The following MACROD2 variants were observed in gnomAD, a reference collection of about 807,000 sequenced individuals.
MACROD2 encodes ADP-ribose glycohydrolase MACROD2.
In MACROD2, 36 loss-of-function variants were observed where a neutral mutation model predicts 70.4. That is an observed-to-expected ratio of 0.51 (90% CI 0.39 to 0.68). The LOEUF is 0.68. MACROD2 is among the 30% of genes least tolerant of loss of function. MACROD2 has a pLI of 0.00. For missense variants in MACROD2, 496 were observed against 538.4 expected, an observed-to-expected ratio of 0.92 and a Z score of 0.78; for synonymous variants, 172 against 178.8, an observed-to-expected ratio of 0.96 and a Z score of 0.30.
intron 6 of MACROD2, among the ~76,000 whole-genome samples, chr20:15,379,436 C>T (rs1022478936): frequency 2.6e-5 from 4 of 151,990 alleles, no homozygotes; most frequent in Admixed American, 6.6e-5. Context: ...CTTGGCATTA[C>T]GTAGGCATAT....
At position 15,318,545 on chromosome 20, in the gene MACROD2, C is replaced by T. The variant is rs2077839187; in HGVS notation, c.540+88484C>T. Among the ~76,000 whole-genome samples, 5 of 152,020 alleles carry T rather than the reference C, an allele frequency of 3.3e-5. No individual in the cohort carries two copies. The South Asian group carries it at 1.0e-3, about 31-fold the overall frequency. ...ATAAGAAAATTATGGACCAAAATCC[C>T]TTATGATTATAGATGAAGAAATCCT... On this transcript the variant is annotated intron_variant, in intron 6 of 17. Coordinates refer to ENST00000684519, the MANE Select transcript of MACROD2 (RefSeq NM_001351661.2).
At chr20:14,874,165 T>G (rs454927) in intron 5 of MACROD2, among the ~76,000 whole-genome samples, 38,083 of 151,940 alleles carry the variant, frequency 0.25, 5,513 homozygotes, top group Non-Finnish European at 0.33. Context: ...TCTCTTTTGG[T>G]AAGAAAGATT....
chr20:14,677,549 T>A (rs1302845850), intron 4 of MACROD2, among the ~76,000 whole-genome samples: 1 of 152,176 alleles, frequency 6.6e-6, no homozygotes, highest in Non-Finnish European at 1.5e-5. Context: ...TTGGCCTTCT[T>A]ATCAGGGTGG....
At chr20:14,008,950 C>T (rs747062817) in intron 2 of MACROD2, among the ~76,000 whole-genome samples, 27 of 152,312 alleles carry the variant, frequency 1.8e-4, no homozygotes, top group Middle Eastern at 3.4e-3. Flanking sequence ...CCCTTCCTTA[C>T]ACCTTATACA....
intron 10 of MACROD2, among the ~76,000 whole-genome samples, chr20:15,911,413 G>A (rs571766378): frequency 1.1e-4 from 17 of 152,302 alleles, no homozygotes; most frequent in Non-Finnish European, 1.2e-4. Context: ...TAATGTCATG[G>A]CTAACAATGT....
intron 5 of MACROD2, among the ~76,000 whole-genome samples, chr20:14,856,196 T>C (rs2122335211): frequency 6.6e-6 from 1 of 152,308 alleles, no homozygotes; most frequent in East Asian, 1.9e-4. Flanking sequence ...ATTTGTATTT[T>C]TCCCCAGTAA....
Position 15,876,109 on chromosome 20 carries a change from A to ATG in MACROD2, c.728-9654_728-9653insGT, listed in dbSNP as rs202176741. Among the ~76,000 whole-genome samples, 995 of 124,418 alleles carry ATG rather than the reference A, an allele frequency of 8.0e-3. 82 individuals are homozygous for ATG. The highest frequency in any genetic ancestry group is 0.035 in the African/African-American group (930 of 26,562). 81.6% of individuals were successfully genotyped at this position (124,418 alleles called of 152,430 possible). ...ATGTCTTTTATATATATATATATATATATGTGTGTATTTTTTTTATTACAC... is the reference window on the plus strand; with the variant it reads ...ATGTCTTTTATATATATATATATATATGTATGTGTGTATTTTTTTTATTACAC... On this transcript the variant is annotated intron_variant, in intron 9 of 17. Coordinates refer to ENST00000684519, the MANE Select transcript of MACROD2 (RefSeq NM_001351661.2).
intron 11 of MACROD2, among the ~76,000 whole-genome samples, chr20:15,935,624 C>T (rs1260445769): frequency 6.6e-6 from 1 of 152,168 alleles, no homozygotes; most frequent in Non-Finnish European, 1.5e-5. Context: ...GCAGTTTTGA[C>T]TGTTGTCATG....
chr20:14,215,060 C>G (rs994973739), intron 3 of MACROD2, among the ~76,000 whole-genome samples: 1 of 134,066 alleles, frequency 7.5e-6, no homozygotes, highest in Non-Finnish European at 1.6e-5. Flanking sequence ...ATATATATTC[C>G]ATCATATATC....
intron 5 of MACROD2, among the ~76,000 whole-genome samples, chr20:15,067,191 A>G (rs1030790391): frequency 3.3e-5 from 5 of 152,222 alleles, no homozygotes; most frequent in African/African-American, 1.2e-4. Flanking sequence ...ACAAATGCTC[A>G]AATTCATTTA....
In MACROD2 at chr20:14,765,681, G is replaced by A. The variant is rs139948950; in HGVS notation, c.418+80722G>A. ...TAATTTTTTTTAACATTTTCAAAAC[G>A]CCTTAGAAACCTGTATTTAAATAAA... On this transcript the variant is annotated intron_variant, in intron 5 of 17. Coordinates refer to ENST00000684519, the MANE Select transcript of MACROD2 (RefSeq NM_001351661.2). Among the ~76,000 whole-genome samples, 325 of 152,028 alleles carry A rather than the reference G, an allele frequency of 2.1e-3. 2 individuals carry two copies. Among genetic ancestry groups the A allele is most frequent in the Non-Finnish European group, 3.4e-3 (232 of 67,988 alleles).
At chr20:15,702,506 G>T (rs948215028) in intron 8 of MACROD2, among the ~76,000 whole-genome samples, 1 of 152,018 alleles carries the variant, frequency 6.6e-6, no homozygotes, top group African/African-American at 2.4e-5. Flanking sequence ...CCATTTTTAA[G>T]GGATTTGTTG....
At chr20:14,044,271 C>T (rs1241122620) in intron 2 of MACROD2, among the ~76,000 whole-genome samples, 5 of 151,906 alleles carry the variant, frequency 3.3e-5, no homozygotes, top group South Asian at 2.1e-4. Flanking sequence ...CTGGTGGGTT[C>T]GTGGTCTCGC....
chr20:14,867,548 C>T (rs562874800), intron 5 of MACROD2, among the ~76,000 whole-genome samples: 129 of 152,104 alleles, frequency 8.5e-4, no homozygotes, highest in Non-Finnish European at 1.5e-3. Context: ...ACATGGATTC[C>T]TGTTTAACAG....
At chr20:15,666,910 T>C (rs573894976) in intron 8 of MACROD2, among the ~76,000 whole-genome samples, 1 of 152,260 alleles carries the variant, frequency 6.6e-6, no homozygotes, top group Non-Finnish European at 1.5e-5. Context: ...ATTTCAAACA[T>C]TAAGAAAAAT....
intron 8 of MACROD2, among the ~76,000 whole-genome samples, chr20:15,514,518 A>G (rs2047541753): frequency 1.3e-5 from 2 of 152,260 alleles, no homozygotes; most frequent in Non-Finnish European, 1.5e-5. Context: ...TCTGTACCAT[A>G]TAACCTAGGT....
chr20:14,652,459 T>C (rs1235106027), intron 4 of MACROD2, among the ~76,000 whole-genome samples: 1 of 152,180 alleles, frequency 6.6e-6, no homozygotes, highest in Non-Finnish European at 1.5e-5. Context: ...TTATTTCCCT[T>C]TTTAATACTG....
intron 15 of MACROD2, among the ~76,000 whole-genome samples, chr20:16,024,493 A>G (rs1399219357): frequency 6.8e-6 from 1 of 147,296 alleles, no homozygotes; most frequent in Non-Finnish European, 1.5e-5. Flanking sequence ...CCATGCAGCC[A>G]TGTTCACACA....
chr20:15,258,052 A>G (rs1319637668), intron 6 of MACROD2, among the ~76,000 whole-genome samples: 2 of 150,138 alleles, frequency 1.3e-5, no homozygotes, highest in Non-Finnish European at 2.9e-5. Flanking sequence ...TTTAAAAAAA[A>G]AGGTAAAAAT....
Sources: gnomAD v4.1 joint callset for allele counts (sites outside exome capture counted in the v4.1 genomes callset) on GRCh38, gnomAD v4.1.1 for gene constraint, MANE v1.5 for transcripts, NCBI Gene and HGNC (gene_info 2026-07-23, HGNC 2026-07-21) for gene names.